SLC27A6: variants seen among roughly 807,000 people sequenced by gnomAD.
The protein encoded by SLC27A6 is solute carrier family 27 member 6.
A neutral mutation model predicts 63.9 loss-of-function variants in SLC27A6; 74 were observed. That is an observed-to-expected ratio of 1.16 (90% CI 0.96 to 1.40). SLC27A6 has a LOEUF of 1.40. Ranked by LOEUF, SLC27A6 falls within the 40% of genes most tolerant of loss-of-function variation. SLC27A6 has a pLI of 0.00. For missense variants in SLC27A6, 794 were observed against 732.9 expected, an observed-to-expected ratio of 1.08 and a Z score of -0.96; for synonymous variants, 287 against 260.8, an observed-to-expected ratio of 1.10 and a Z score of -0.97.
In SLC27A6 at chr5:129,028,400, G is replaced by A. The variant is rs147927252; in HGVS notation, c.1510G>A (p.Asp504Asn). The A allele has an allele frequency of 4.4e-5, 71 of 1,609,886 alleles. No homozygotes were observed. The highest frequency in any genetic ancestry group is 5.6e-5 in the Non-Finnish European group (66 of 1,177,114). ...TEVADVIGML[D>N]FIQEANVYGV... ...GGTTGCTGATGTTATTGGAATGTTG[G>A]ATTTCATACAGGAAGCAAACGTCTA... Residue 504 changes from aspartate (D) to asparagine (N), a missense_variant, in exon 8 of 10, where the codon GAT becomes AAT. Physicochemically the swap from Asp to Asn is conservative, Grantham distance 23. Coordinates refer to ENST00000262462, the MANE Select transcript of SLC27A6 (RefSeq NM_001017372.3).
At chr5:128,998,420 A>G (rs1046077571) in intron 4 of SLC27A6, among the ~76,000 whole-genome samples, 1 of 152,136 alleles carries the variant, frequency 6.6e-6, no homozygotes, top group Admixed American at 6.6e-5. Context: ...TTTTGTAGGT[A>G]TTGAAAACTA....
intron 7 of SLC27A6, 135 bp downstream of exon 7, chr5:129,027,466 A>C: frequency 1.5e-6 from 1 of 656,690 alleles, no homozygotes; most frequent in South Asian, 2.0e-5. Context: ...TCATTAAAAC[A>C]TTTATTGGCC....
intron 1 of SLC27A6, among the ~76,000 whole-genome samples, chr5:128,981,590 T>G (rs1750589551): frequency 6.6e-6 from 1 of 152,136 alleles, no homozygotes; most frequent in Non-Finnish European, 1.5e-5. Context: ...TAGCACCTAA[T>G]GGCATGCGGC....
At chr5:129,023,575 G>A in intron 5 of SLC27A6, 45 bp from the exon 6 acceptor site, 1 of 1,384,244 alleles carries the variant, frequency 7.2e-7, no homozygotes, top group Non-Finnish European at 1.0e-6. Flanking sequence ...AAATGCACAA[G>A]TAACTAAATG....
At chr5:129,009,114 G>T (rs1421163967) in intron 4 of SLC27A6, among the ~76,000 whole-genome samples, 3 of 152,030 alleles carry the variant, frequency 2.0e-5, no homozygotes, top group African/African-American at 7.2e-5. Context: ...TCATCCGCCT[G>T]CCTTGGCCTC....
At chr5:129,009,464 A>G (rs1166792739) in intron 4 of SLC27A6, among the ~76,000 whole-genome samples, 1 of 152,210 alleles carries the variant, frequency 6.6e-6, no homozygotes, top group East Asian at 1.9e-4. Context: ...GTTTAAAAAT[A>G]TGTTTATAAC....
Position 128,972,727 on chromosome 5 carries a change from C to T in SLC27A6, c.481+6109C>T, listed in dbSNP as rs545696328. ...TGGTTTCGAACATCCCCCTTTAGCTCGGAGAAGTTTGTTATTACCGGTCTT... is the reference window on the plus strand; with the variant it reads ...TGGTTTCGAACATCCCCCTTTAGCTTGGAGAAGTTTGTTATTACCGGTCTT... On this transcript the variant is annotated intron_variant, in intron 1 of 9. Transcript: ENST00000262462. Among the ~76,000 whole-genome samples the T allele has an allele frequency of 7.2e-5, 11 of 152,248 alleles. No homozygotes were observed. In the East Asian group the frequency reaches 9.7e-4, roughly 13 times the overall value.
At position 128,993,549 on chromosome 5, in the gene SLC27A6, T is replaced by G. The variant is rs1489009505; in HGVS notation, c.969+3085T>G. ...TTTCCCTTTAAAAATGTCTCTTTTG[T>G]GTCTTGTACTCATTTATTTGTCTGG... On this transcript the variant is annotated intron_variant, in intron 4 of 9. Transcript: ENST00000262462. Among the ~76,000 whole-genome samples, 3 of 152,334 alleles carry G rather than the reference T, an allele frequency of 2.0e-5. No individual in the cohort carries two copies. The East Asian group carries it at 5.8e-4, about 29-fold the overall frequency.
At chr5:128,979,387 A>G (rs543192549) in intron 1 of SLC27A6, among the ~76,000 whole-genome samples, 23 of 152,232 alleles carry the variant, frequency 1.5e-4, no homozygotes, top group Admixed American at 7.8e-4. Flanking sequence ...CAAAAAGAAG[A>G]AGGTTCTTCT....
In SLC27A6 at chr5:129,024,298, A is replaced by G. The variant is rs1752166677; in HGVS notation, c.1255+588A>G. The stretch of plus-strand genomic sequence containing the variant: ...AACAGTGGCAAATTTCTAATGTCCT[A>G]TATTGCCAAACTATAATATAGAAAT... On this transcript the variant is annotated intron_variant, in intron 6 of 9. Coordinates refer to ENST00000262462, the MANE Select transcript of SLC27A6 (RefSeq NM_001017372.3). 2.6e-5 allele frequency among the ~76,000 whole-genome samples: 4 copies of G among 152,174 alleles called. No individual in the cohort carries two copies. In the South Asian group the frequency reaches 8.3e-4, roughly 32 times the overall value.
intron 5 of SLC27A6, among the ~76,000 whole-genome samples, chr5:129,020,845 T>C (rs1752050589): frequency 6.6e-6 from 1 of 152,074 alleles, no homozygotes; most frequent in Admixed American, 6.6e-5. Context: ...ATCTAGATTA[T>C]AATCAGCCCA....
At chr5:129,014,113 A>G (rs1053310963) in intron 4 of SLC27A6, among the ~76,000 whole-genome samples, 2 of 152,184 alleles carry the variant, frequency 1.3e-5, no homozygotes, top group Non-Finnish European at 2.9e-5. Context: ...TAGAGCAGGA[A>G]AAGAGTTTAG....
intron 1 of SLC27A6, among the ~76,000 whole-genome samples, chr5:128,972,763 C>T (rs978978962): frequency 2.0e-5 from 3 of 152,196 alleles, no homozygotes; most frequent in Non-Finnish European, 2.9e-5. Context: ...CTGAAGCCTG[C>T]TTCTGTCACC....
chr5:128,966,007 A>G lies in SLC27A6; in HGVS notation c.-131A>G. The G allele has an allele frequency of 4.5e-6, 5 of 1,114,138 alleles. No individual in the cohort carries two copies. Among genetic ancestry groups the G allele is most frequent in the Middle Eastern group, 6.6e-4 (2 of 3,030 alleles). The allele number at this position is 1,114,138 out of a possible 1,614,324, so 69.0% of individuals were successfully genotyped here. A position where few individuals can be genotyped will look rare whatever the true frequency, so the allele number is the denominator to read the frequency against. Reference sequence around the variant, plus strand: ...CCTCCCCATCCCGCTTCGCCCCGGAAAAGCTGACAAGAACTTCAGGTGTAA... The same window carrying G: ...CCTCCCCATCCCGCTTCGCCCCGGAGAAGCTGACAAGAACTTCAGGTGTAA... On this transcript the variant is annotated 5_prime_UTR_variant, in exon 1 of 10. Transcript: ENST00000262462.
At position 129,003,119 on chromosome 5, in the gene SLC27A6, G is replaced by A. The variant is rs371792027; in HGVS notation, c.969+12655G>A. Among the ~76,000 whole-genome samples the A allele has an allele frequency of 6.1e-4, 93 of 152,204 alleles. No individual in the cohort carries two copies. In the South Asian group the frequency reaches 0.015, roughly 24 times the overall value. The stretch of plus-strand genomic sequence containing the variant: ...TTTCTTTTTTGATCTGTGTGTGTGC[G>A]TGTGCCTGTGCACGAGAGAGAGAGA... On this transcript the variant is annotated intron_variant, in intron 4 of 9. Coordinates refer to ENST00000262462, the MANE Select transcript of SLC27A6 (RefSeq NM_001017372.3).
At chr5:128,982,499 T>C (rs910210087) in intron 1 of SLC27A6, among the ~76,000 whole-genome samples, 1 of 152,186 alleles carries the variant, frequency 6.6e-6, no homozygotes, top group Non-Finnish European at 1.5e-5. Flanking sequence ...TTTCCCCAAT[T>C]TAGACATACA....
In SLC27A6 at chr5:129,006,071, G is replaced by GTTTTTTTTTTTTTTTTTTTTTTTTTTTT. The variant is rs4068575; in HGVS notation, c.970-9789_970-9788insTTTTTTTTTTTTTTTTTTTTTTTTTTTT. Among the ~76,000 whole-genome samples, 47 of 60,142 alleles carry GTTTTTTTTTTTTTTTTTTTTTTTTTTTT rather than the reference G, an allele frequency of 7.8e-4. 10 individuals carry two copies. The highest frequency in any genetic ancestry group is 6.5e-3 in the East Asian group (4 of 612). 39.5% of individuals were successfully genotyped at this position (60,142 alleles called of 152,430 possible). Reference sequence around the variant, plus strand: ...TAAAATTTTCATTCCTGTGCACACTGTTTTTTTTTTTTTTTTTTTTTTTTT... The same window carrying GTTTTTTTTTTTTTTTTTTTTTTTTTTTT: ...TAAAATTTTCATTCCTGTGCACACTGTTTTTTTTTTTTTTTTTTTTTTTTTTTTTTTTTTTTTTTTTTTTTTTTTTTTT... On this transcript the variant is annotated intron_variant, in intron 4 of 9. Transcript: ENST00000262462.
chr5:128,988,073 GA>G (rs1483734014), intron 2 of SLC27A6, among the ~76,000 whole-genome samples: 1 of 152,138 alleles, frequency 6.6e-6, no homozygotes, highest in African/African-American at 2.4e-5. Flanking sequence ...CAAAGGATAA[GA>G]AATCAGAAAG....
At chr5:129,008,353 T>A (rs1429274279) in intron 4 of SLC27A6, among the ~76,000 whole-genome samples, 1 of 152,204 alleles carries the variant, frequency 6.6e-6, no homozygotes, top group Non-Finnish European at 1.5e-5. Flanking sequence ...TTTCTTAGGA[T>A]GATTGTTTTT....
Sources: gnomAD v4.1 joint callset for allele counts (sites outside exome capture counted in the v4.1 genomes callset) on GRCh38, gnomAD v4.1.1 for gene constraint, MANE v1.5 for transcripts, NCBI Gene and HGNC (gene_info 2026-07-23, HGNC 2026-07-21) for gene names.